The following SLC7A5 variants were observed in gnomAD, a reference collection of about 807,000 sequenced individuals.
SLC7A5 encodes large neutral amino acids transporter small subunit 1.
In SLC7A5, 23 loss-of-function variants were observed where a neutral mutation model predicts 50.2. The ratio of observed to expected loss-of-function variants is 0.46; its 90% CI spans 0.33 to 0.65. The LOEUF is 0.65. Among genes scored for constraint, SLC7A5 ranks in the 30% least tolerant of loss-of-function variants. SLC7A5 has a pLI of 0.02. For missense variants in SLC7A5, 578 were observed against 684.4 expected, an observed-to-expected ratio of 0.84 and a Z score of 1.73; for synonymous variants, 393 against 330.6, an observed-to-expected ratio of 1.19 and a Z score of -2.05.
At chr16:87,867,715 A>C (rs886488699) in intron 1 of SLC7A5, among the ~76,000 whole-genome samples, 1 of 152,198 alleles carries the variant, frequency 6.6e-6, no homozygotes, top group African/African-American at 2.4e-5. Flanking sequence ...AGGCCGATCC[A>C]TGCCATGGGA....
intron 1 of SLC7A5, among the ~76,000 whole-genome samples, chr16:87,865,819 A>G (rs932918460): frequency 1.3e-5 from 2 of 152,044 alleles, no homozygotes; most frequent in African/African-American, 4.8e-5. Flanking sequence ...CACATTAGCT[A>G]TTACATTAGA....
In SLC7A5 at chr16:87,837,908, C is replaced by A. The variant is rs772284939; in HGVS notation, c.1077G>T (p.Leu359=). 1 of 1,608,056 alleles carries A rather than the reference C, an allele frequency of 6.2e-7. No homozygotes were observed. Among genetic ancestry groups the A allele is most frequent in the South Asian group, 1.1e-5 (1 of 89,132 alleles). The stretch of plus-strand genomic sequence containing the variant: ...GGTGGATCATGGAGAGGATGGAGGG[C>A]AGGTGGCCTTCCCGGGACCCCACGA... The part of the protein sequence containing the change: ...LFFVGSREGH[L]PSILSMIHPQ... Residue 359 remains leucine (L), a synonymous_variant, in exon 7 of 10, where the codon CTG becomes CTT. Transcript: ENST00000261622.
chr16:87,850,194 G>A (rs1484820398), intron 2 of SLC7A5, among the ~76,000 whole-genome samples: 1 of 152,210 alleles, frequency 6.6e-6, no homozygotes, highest in African/African-American at 2.4e-5. Flanking sequence ...AAAGCTGCGT[G>A]CTGGGTGCTG....
In SLC7A5 at chr16:87,853,059, C is replaced by G. The variant is rs1223022630; in HGVS notation, c.539-1210G>C. Among the ~76,000 whole-genome samples, 5 of 152,232 alleles carry G rather than the reference C, an allele frequency of 3.3e-5. No homozygotes were observed. Among genetic ancestry groups the G allele is most frequent in the African/African-American group, 4.8e-5 (2 of 41,464 alleles). The stretch of plus-strand genomic sequence containing the variant: ...TCACAGCCCTCCCGGCACCGCACCA[C>G]TAAGACTGCAGGAAGGTGAGAGCAT... On this transcript the variant is annotated intron_variant, in intron 1 of 9. Coordinates refer to ENST00000261622, the MANE Select transcript of SLC7A5 (RefSeq NM_003486.7). The surrounding 1 kb of genome is among the most constrained non-coding windows in gnomAD (Gnocchi z 4.4).
chr16:87,835,960 G>A (rs1476475766), intron 8 of SLC7A5, among the ~76,000 whole-genome samples: 2 of 152,220 alleles, frequency 1.3e-5, no homozygotes, highest in Admixed American at 1.3e-4. Flanking sequence ...GGGCCAGGGC[G>A]GCGGGACTTG....
chr16:87,854,175 T>G (rs1597509580), intron 1 of SLC7A5, among the ~76,000 whole-genome samples: 1 of 145,232 alleles, frequency 6.9e-6, no homozygotes, highest in African/African-American at 2.5e-5. Flanking sequence ...ACCGGGAGGG[T>G]TCACCAGATC....
intron 2 of SLC7A5, among the ~76,000 whole-genome samples, chr16:87,842,009 C>T (rs910614026): frequency 2.2e-4 from 33 of 152,336 alleles, no homozygotes; most frequent in Middle Eastern, 3.4e-3. Flanking sequence ...GCTGTTGCCT[C>T]CTCTGTGAAA....
rs75797585 is a variant in SLC7A5, at chr16:87,842,520, C to T, written c.665-1365G>A. 4.6e-5 allele frequency among the ~76,000 whole-genome samples: 7 copies of T among 152,344 alleles called. No homozygotes were observed. The East Asian group carries it at 9.6e-4, about 21-fold the overall frequency. On this transcript the variant is annotated intron_variant, in intron 2 of 9. Coordinates refer to ENST00000261622, the MANE Select transcript of SLC7A5 (RefSeq NM_003486.7). ...ACCAGATTTCCTACGGCAGAGCCCACGGTGGGGTCCCTTCCTGATGGGTGG... is the reference window on the plus strand; with the variant it reads ...ACCAGATTTCCTACGGCAGAGCCCATGGTGGGGTCCCTTCCTGATGGGTGG...
At chr16:87,856,196 T>C (rs1217374257) in intron 1 of SLC7A5, among the ~76,000 whole-genome samples, 1 of 152,244 alleles carries the variant, frequency 6.6e-6, no homozygotes, top group Non-Finnish European at 1.5e-5. Flanking sequence ...CCCCGAGGAC[T>C]GCCTCCAGGA....
chr16:87,850,039 T>G (rs891934668), intron 2 of SLC7A5, among the ~76,000 whole-genome samples: 1 of 152,180 alleles, frequency 6.6e-6, no homozygotes, highest in Non-Finnish European at 1.5e-5. Context: ...GTGAGGTCAG[T>G]ATAGCCCGGC....
In SLC7A5 at chr16:87,833,452, G is replaced by T. The variant is rs948929076; in HGVS notation, c.1469-427C>A. Among the ~76,000 whole-genome samples, 2 of 152,086 alleles carry T rather than the reference G, an allele frequency of 1.3e-5. No homozygotes were observed. Among genetic ancestry groups the T allele is most frequent in the Non-Finnish European group, 2.9e-5 (2 of 67,994 alleles). ...GGGGCCAATCTGCTAACGGGTCCTC[G>T]GAAGACCTGTCGCGCCTGGGACTGT... On this transcript the variant is annotated intron_variant, in intron 9 of 9. Transcript: ENST00000261622. This position sits in a 1 kb window ranked among gnomAD's most constrained non-coding sequence, Gnocchi z 6.0.
chr16:87,847,023 G>A (rs1412571509), intron 2 of SLC7A5, among the ~76,000 whole-genome samples: 1 of 152,150 alleles, frequency 6.6e-6, no homozygotes, highest in East Asian at 1.9e-4. Flanking sequence ...CCCTCTCTCC[G>A]GGAGGGCACC....
chr16:87,836,113 G>A (rs1011752753), intron 8 of SLC7A5, among the ~76,000 whole-genome samples: 3 of 152,196 alleles, frequency 2.0e-5, no homozygotes, highest in Non-Finnish European at 4.4e-5. Flanking sequence ...GGCGCTCCTC[G>A]GGCCGGGTTC....
At chr16:87,839,304 C>A (rs1004492143) in intron 5 of SLC7A5, among the ~76,000 whole-genome samples, 7 of 152,202 alleles carry the variant, frequency 4.6e-5, no homozygotes, top group Non-Finnish European at 7.3e-5. Flanking sequence ...CCTGGCCTCC[C>A]GCCTGCCAAG....
At position 87,837,821 on chromosome 16, in the gene SLC7A5, C is replaced by T. The variant is rs542824519; in HGVS notation, c.1140+24G>A. 6.2e-5 allele frequency: 98 copies of T among 1,580,850 alleles called. No individual in the cohort carries two copies. In the South Asian group the frequency reaches 1.0e-3, roughly 17 times the overall value. On this transcript the variant is annotated intron_variant, in intron 7 of 9. Coordinates refer to ENST00000261622, the MANE Select transcript of SLC7A5 (RefSeq NM_003486.7). ...CCGGACAACCCCCAGGGATGTAGGG[C>T]ACAGGGCCGTGCAGCAGGCTTACCG...
chr16:87,843,434 G>A (rs1286626443), intron 2 of SLC7A5, among the ~76,000 whole-genome samples: 1 of 124,392 alleles, frequency 8.0e-6, no homozygotes, highest in Non-Finnish European at 1.6e-5. Context: ...TTTTAGTAGA[G>A]ATGGGGTTTC....
rs1236100466 is a variant in SLC7A5 at position 87,861,623 on chromosome 16, C to T, written c.538+7262G>A. On this transcript the variant is annotated intron_variant, in intron 1 of 9. Coordinates refer to ENST00000261622, the MANE Select transcript of SLC7A5 (RefSeq NM_003486.7). The surrounding 1 kb of genome is among the most constrained non-coding windows in gnomAD (Gnocchi z 4.2). ...GTCCAAGAGTGTGCCCTACCTTGGA[C>T]ACCCCTCTCCTGGGGGTGGCTCTCA... is the stretch of plus-strand genomic sequence containing the variant. Among the ~76,000 whole-genome samples the T allele has an allele frequency of 1.3e-5, 2 of 152,172 alleles. No individual in the cohort carries two copies. The highest frequency in any genetic ancestry group is 4.8e-5 in the African/African-American group (2 of 41,436).
Position 87,851,864 on chromosome 16 carries a change from G to A in SLC7A5, c.539-15C>T, listed in dbSNP as rs1204329749. 1 of 1,612,532 alleles carries A rather than the reference G, an allele frequency of 6.2e-7. No homozygotes were observed. Among genetic ancestry groups the A allele is most frequent in the Non-Finnish European group, 8.5e-7 (1 of 1,179,954 alleles). ...CGTGAGCAGCACTGTGGAGACAGAG[G>A]GCAGCGGTGAGTTCCACGGGCAGAC... On this transcript the variant is annotated splice_polypyrimidine_tract_variant and intron_variant, in intron 1 of 9. Coordinates refer to ENST00000261622, the MANE Select transcript of SLC7A5 (RefSeq NM_003486.7).
chr16:87,857,424 T>A (rs2055335423), intron 1 of SLC7A5, among the ~76,000 whole-genome samples: 1 of 152,142 alleles, frequency 6.6e-6, no homozygotes, highest in Non-Finnish European at 1.5e-5. Flanking sequence ...CTGGGATTAC[T>A]GACACCTGCC....
Sources: allele counts gnomAD v4.1 joint callset (sites outside exome capture counted in the v4.1 genomes callset), GRCh38; gene constraint gnomAD v4.1.1; non-coding constraint Gnocchi (gnomAD v3.1); transcripts MANE v1.5; gene names NCBI Gene and HGNC (gene_info 2026-07-23, HGNC 2026-07-21).